Variants in HCLS1 observed in about 807,000 individuals in gnomAD.
HCLS1 encodes the protein hematopoietic cell-specific Lyn substrate 1.
Under a neutral mutation model 68.6 loss-of-function variants are expected in HCLS1, and 44 were observed. That is an observed-to-expected ratio of 0.64 (90% CI 0.50 to 0.82). The LOEUF (loss-of-function observed/expected upper bound fraction) is 0.82, where lower values mean the gene tolerates loss of function less well. Ranked by LOEUF, HCLS1 falls within the 40% of genes least tolerant of loss-of-function variation. The pLI, the probability that HCLS1 is intolerant of heterozygous loss-of-function variation, is 0.00. For synonymous variants in HCLS1, 217 were observed against 225.8 expected (o/e 0.96, Z 0.35); for missense variants, 602 against 612.1 (o/e 0.98, Z 0.17).
chr3:121,652,166 T>C (rs1375606613), intron 3 of HCLS1, among the ~76,000 whole-genome samples: 1 of 152,190 alleles, frequency 6.6e-6, no homozygotes, highest in African/African-American at 2.4e-5. Flanking sequence ...TCTGTTTGCA[T>C]GAAATTCTAT....
rs940800821 is a variant in HCLS1, at chr3:121,658,137, C to T, written c.84+127G>A. On this transcript the variant is annotated intron_variant, in intron 2 of 13. Transcript: ENST00000314583. ...CAGCCAATTGTCCTACCAATTAGTC[C>T]CAGTATGAGGGCTGTCTCAGTCCTA... 6 of 706,322 alleles carry T rather than the reference C, an allele frequency of 8.5e-6. No individual in the cohort carries two copies. In the African/African-American group the frequency reaches 1.1e-4, roughly 13 times the overall value. The allele number at this position is 706,322 out of a possible 1,614,324, so 43.8% of individuals were successfully genotyped here. A position where few individuals can be genotyped will look rare whatever the true frequency, so the allele number is the denominator to read the frequency against.
At position 121,635,209 on chromosome 3, in the gene HCLS1, TTC is replaced by T. The variant is rs143095062; in HGVS notation, c.691+524_691+525del. Among the ~76,000 whole-genome samples, 315 of 135,848 alleles carry T rather than the reference TTC, an allele frequency of 2.3e-3. 1 individual carries two copies. Among genetic ancestry groups the T allele is most frequent in the Middle Eastern group, 8.2e-3 (2 of 244 alleles). The allele number at this position is 135,848 out of a possible 152,430, so 89.1% of individuals were successfully genotyped here. A position where few individuals can be genotyped will look rare whatever the true frequency, so the allele number is the denominator to read the frequency against. On this transcript the variant is annotated intron_variant, in intron 9 of 13. Transcript: ENST00000314583. ...TTCTCTCTTTCTTTCTTTTCTTTCT[TTC>T]TCTCTCTCTCTCTCTTCTCTCCCTT...
At chr3:121,633,013 C>G in intron 11 of HCLS1, 54 bp downstream of exon 11, 1 of 1,287,588 alleles carries the variant, frequency 7.8e-7, no homozygotes, top group Non-Finnish European at 1.1e-6. Flanking sequence ...AGCCCACATT[C>G]CTAAGACTCG....
At chr3:121,652,048 T>C (rs1937762586) in intron 3 of HCLS1, among the ~76,000 whole-genome samples, 1 of 152,176 alleles carries the variant, frequency 6.6e-6, no homozygotes, top group Admixed American at 6.5e-5. Flanking sequence ...AATGGGACAC[T>C]ACATGACAAT....
intron 6 of HCLS1, among the ~76,000 whole-genome samples, chr3:121,637,844 G>A (rs2049164373): frequency 6.6e-6 from 1 of 151,996 alleles, no homozygotes; most frequent in Admixed American, 6.5e-5. Flanking sequence ...GCTGAGACAG[G>A]AGAGTCACTT....
Position 121,632,515 on chromosome 3 carries a change from G to T in HCLS1, c.1057C>A (p.Gln353Lys), listed in dbSNP as rs770076130. Residue 353 changes from glutamine to lysine, a missense_variant, in exon 12 of 14, where the codon CAG becomes AAG. Coordinates refer to ENST00000314583, the MANE Select transcript of HCLS1 (RefSeq NM_005335.6). ...ALPPRTLEGL[Q>K]VEEEPVYEAE... ...TCGTACACTGGCTCTTCCTCCACCT[G>T]GAGGCCTTCCAGAGTCCTAGGGGGC... 8.7e-6 allele frequency: 14 copies of T among 1,612,090 alleles called. No homozygotes were observed. In the South Asian group the frequency reaches 1.4e-4, roughly 16 times the overall value.
intron 4 of HCLS1, among the ~76,000 whole-genome samples, chr3:121,646,382 T>TA (rs1345670603): frequency 2.0e-5 from 1 of 49,616 alleles, no homozygotes; most frequent in Non-Finnish European, 3.8e-5. Flanking sequence ...TATTACTATG[T>TA]AATATATTAC....
chr3:121,656,051 GT>G (rs1937862018), intron 3 of HCLS1: 1 of 151,882 alleles, frequency 6.6e-6, no homozygotes, highest in African/African-American at 2.4e-5. Context: ...GTTTCATCAT[GT>G]TGCCCATGCT....
intron 3 of HCLS1, among the ~76,000 whole-genome samples, chr3:121,653,090 C>A (rs1236436167): frequency 1.3e-5 from 2 of 151,950 alleles, no homozygotes; most frequent in African/African-American, 4.8e-5. Flanking sequence ...GGGACGAGAC[C>A]CATGTGTAAA....
Position 121,641,584 on chromosome 3 carries a change from C to A in HCLS1, c.454+1343G>T, listed in dbSNP as rs2107465860. 2.6e-5 allele frequency among the ~76,000 whole-genome samples: 4 copies of A among 151,864 alleles called. No individual in the cohort carries two copies. The South Asian group carries it at 8.3e-4, about 32-fold the overall frequency. On this transcript the variant is annotated intron_variant, in intron 6 of 13. Coordinates refer to ENST00000314583, the MANE Select transcript of HCLS1 (RefSeq NM_005335.6). ...AATAATAAGATGGAATAAGATGGAA[C>A]CAATATACTGAACAACAACAATATG...
intron 6 of HCLS1, among the ~76,000 whole-genome samples, chr3:121,639,892 A>G (rs2049181524): frequency 6.6e-6 from 1 of 151,968 alleles, no homozygotes; most frequent in Non-Finnish European, 1.5e-5. Flanking sequence ...AATACTAAGT[A>G]GAAGAAAAAC....
At chr3:121,638,231 TA>T (rs971757908) in intron 6 of HCLS1, among the ~76,000 whole-genome samples, 1 of 151,370 alleles carries the variant, frequency 6.6e-6, no homozygotes, top group African/African-American at 2.4e-5. Flanking sequence ...CTTGCTAATT[TA>T]AAAAAAAATC....
chr3:121,658,103 C>A (rs1472662931), intron 2 of HCLS1, 161 bp downstream of exon 2: 2 of 636,984 alleles, frequency 3.1e-6, no homozygotes, highest in Non-Finnish European at 5.7e-6. Flanking sequence ...GTGCATGCCC[C>A]ACAGGTGACA....
chr3:121,653,178 T>A (rs970209274), intron 3 of HCLS1, among the ~76,000 whole-genome samples: 4 of 151,800 alleles, frequency 2.6e-5, no homozygotes, highest in Admixed American at 6.6e-5. Flanking sequence ...AAGGTAACTT[T>A]ATTTTTCCCT....
At position 121,632,115 on chromosome 3, in the gene HCLS1, T is replaced by G; in HGVS notation, c.1310A>C (p.Tyr437Ser). The G allele has an allele frequency of 6.2e-7, 1 of 1,614,008 alleles. No individual in the cohort carries two copies. Among genetic ancestry groups the G allele is most frequent in the Non-Finnish European group, 8.5e-7 (1 of 1,180,004 alleles). Residue 437 changes from tyrosine to serine, a missense_variant, in exon 13 of 14, where the codon TAT (tyrosine) becomes TCT (serine). Tyr to Ser is a moderately radical substitution (Grantham distance 144). Coordinates refer to ENST00000314583, the MANE Select transcript of HCLS1 (RefSeq NM_005335.6). ...VALGISAVAV[Y>S]DYQGEGSDEL... ...TCCCAACCTACCTCCTTGGTAATCA[T>G]ATACAGCCACAGCTGAGATCCCCAG...
intron 1 of HCLS1, among the ~76,000 whole-genome samples, chr3:121,658,953 T>C (rs1028124531): frequency 6.6e-6 from 1 of 152,232 alleles, no homozygotes; most frequent in Non-Finnish European, 1.5e-5. Flanking sequence ...GGCTGAAATT[T>C]CCACATGGAA....
chr3:121,646,672 T>TTA (rs1937612353), intron 4 of HCLS1, among the ~76,000 whole-genome samples: 1 of 117,994 alleles, frequency 8.5e-6, no homozygotes, highest in South Asian at 2.5e-4. Flanking sequence ...ATATATACAC[T>TTA]TATATATAAT....
intron 4 of HCLS1, among the ~76,000 whole-genome samples, chr3:121,646,358 AT>A (rs1937604210): frequency 1.7e-5 from 1 of 59,530 alleles, no homozygotes; most frequent in Non-Finnish European, 3.0e-5. Context: ...AATATATTAC[AT>A]TATATTACAT....
chr3:121,657,067 G>T, intron 3 of HCLS1: 1 of 484,662 alleles, frequency 2.1e-6, no homozygotes, highest in Non-Finnish European at 3.7e-6. Context: ...AGATAATAGG[G>T]TTGAGGAGGG....
Sources: gnomAD v4.1 joint callset for allele counts (sites outside exome capture counted in the v4.1 genomes callset) on GRCh38, gnomAD v4.1.1 for gene constraint, MANE v1.5 for transcripts, NCBI Gene and HGNC (gene_info 2026-07-23, HGNC 2026-07-21) for gene names.